PAH: variants seen among roughly 807,000 people sequenced by gnomAD.
PAH encodes phenylalanine-4-hydroxylase.
PAH carries 64 observed loss-of-function variants against 62.0 expected under a neutral mutation model. The observed-to-expected ratio is 1.03, with a 90% confidence interval of 0.84 to 1.27. The LOEUF (loss-of-function observed/expected upper bound fraction) is 1.27, where lower values mean the gene tolerates loss of function less well. Ranked by LOEUF, PAH falls within the 50% of genes most tolerant of loss-of-function variation. The probability of loss-of-function intolerance (pLI) is 0.00; values close to 1 mark genes in which losing one functional copy is unlikely to be tolerated. For missense variants in PAH, 579 were observed against 542.8 expected (o/e 1.07, Z -0.66); for synonymous variants, 195 against 196.2 (o/e 0.99, Z 0.05).
At chr12:102,925,378 A>G (rs1173830281) in intron 1 of PAH, among the ~76,000 whole-genome samples, 4 of 152,166 alleles carry the variant, frequency 2.6e-5, no homozygotes, top group Non-Finnish European at 5.9e-5. Context: ...GGTTATTGAT[A>G]TCATAAAGCA....
chr12:102,958,204 C>A, exon 1 of PAH: 2 of 1,422,300 alleles, frequency 1.4e-6, no homozygotes, highest in South Asian at 2.9e-5. Flanking sequence ...CCTCGCGTCC[C>A]GGATCGCTCT....
chr12:102,921,711 G>C (rs1400013673), upstream of PAH, among the ~76,000 whole-genome samples: 1 of 152,066 alleles, frequency 6.6e-6, no homozygotes, highest in Non-Finnish European at 1.5e-5. Context: ...GGATTTCTTA[G>C]AGGCTTTTCA....
intron 3 of PAH, among the ~76,000 whole-genome samples, chr12:102,888,245 G>T (rs755003921): frequency 2.0e-5 from 3 of 152,066 alleles, no homozygotes; most frequent in Non-Finnish European, 4.4e-5. Flanking sequence ...GAAAATTGAG[G>T]CCTAAAGAGG....
chr12:102,929,356 A>G (rs1459149402), intron 1 of PAH, among the ~76,000 whole-genome samples: 1 of 152,158 alleles, frequency 6.6e-6, no homozygotes, highest in Admixed American at 6.5e-5. Flanking sequence ...AGTTTTTGCA[A>G]TCTCAGAGAG....
At chr12:102,922,493 T>C (rs1878580039) in intron 1 of PAH, among the ~76,000 whole-genome samples, 1 of 152,160 alleles carries the variant, frequency 6.6e-6, no homozygotes, top group Non-Finnish European at 1.5e-5. Flanking sequence ...CGCCCGGCCC[T>C]AAACCTTGCC....
At chr12:102,847,625 T>C (rs952037791) in intron 8 of PAH, among the ~76,000 whole-genome samples, 5 of 152,268 alleles carry the variant, frequency 3.3e-5, no homozygotes, top group African/African-American at 1.2e-4. Flanking sequence ...AGACAATAAA[T>C]AATGAACATA....
intron 1 of PAH, among the ~76,000 whole-genome samples, chr12:102,915,663 G>T (rs1878354227): frequency 6.6e-6 from 1 of 152,084 alleles, no homozygotes; most frequent in African/African-American, 2.4e-5. Flanking sequence ...CTTGGATCTT[G>T]ACTCCAAAAT....
intron 8 of PAH, among the ~76,000 whole-genome samples, chr12:102,849,467 G>A (rs543415112): frequency 3.3e-5 from 5 of 152,274 alleles, no homozygotes; most frequent in African/African-American, 1.2e-4. Flanking sequence ...AGTAGAGATG[G>A]TATTTAAAGC....
At chr12:102,951,827 TC>T (rs1237221186), upstream of PAH, among the ~76,000 whole-genome samples, 1 of 151,668 alleles carries the variant, frequency 6.6e-6, no homozygotes, top group African/African-American at 2.4e-5. Flanking sequence ...TGTTTTATGT[TC>T]CCCTGCGTTG....
At chr12:102,848,292 A>G (rs112099301) in intron 8 of PAH, among the ~76,000 whole-genome samples, 59 of 118,926 alleles carry the variant, frequency 5.0e-4, no homozygotes, top group African/African-American at 1.9e-3. Flanking sequence ...TGGAGAGGTT[A>G]AGTGTAGACA....
chr12:102,842,444 A>C lies in PAH; in HGVS notation c.1199+1202T>G, dbSNP rs376184281. Among the ~76,000 whole-genome samples the C allele has an allele frequency of 9.7e-4, 148 of 152,284 alleles. 1 individual carries two copies. The highest frequency in any genetic ancestry group is 3.4e-3 in the African/African-American group (142 of 41,530). On this transcript the variant is annotated intron_variant, in intron 11 of 12. Coordinates refer to ENST00000553106, the MANE Select transcript of PAH (RefSeq NM_000277.3). The stretch of plus-strand genomic sequence containing the variant: ...TAAAGATAGTAGACATAAATTAAGG[A>C]ATATCCATTTTAAAAGAAAGAAAGT...
intron 2 of PAH, among the ~76,000 whole-genome samples, chr12:102,903,874 A>C (rs1246312690): frequency 6.6e-6 from 1 of 152,154 alleles, no homozygotes; most frequent in Non-Finnish European, 1.5e-5. Context: ...TAAGGTGAAC[A>C]GTGTACTTCC....
intron 1 of PAH, chr12:102,958,175 C>A (rs1879985337): frequency 3.2e-6 from 4 of 1,232,544 alleles, no homozygotes; most frequent in South Asian, 1.8e-5. Context: ...CTCTCTGTGT[C>A]CCCCTCGCGG....
At chr12:102,861,725 G>A (rs561979460) in intron 5 of PAH, among the ~76,000 whole-genome samples, 22 of 152,062 alleles carry the variant, frequency 1.4e-4, no homozygotes, top group Admixed American at 5.2e-4. Flanking sequence ...GCAAACTATC[G>A]CAGGGACAGA....
At position 102,877,454 on chromosome 12, in the gene PAH, G is replaced by C. The variant is rs777613969; in HGVS notation, c.441+8C>G. The C allele has an allele frequency of 1.2e-6, 2 of 1,606,368 alleles. No homozygotes were observed. Among genetic ancestry groups the C allele is most frequent in the South Asian group, 2.2e-5 (2 of 90,946 alleles). On this transcript the variant is annotated splice_region_variant and intron_variant, in intron 4 of 12. Coordinates refer to ENST00000553106, the MANE Select transcript of PAH (RefSeq NM_000277.3). Reference sequence around the variant, plus strand: ...GAAAAAATCTCATCCTACGGGCCATGGACTCACAGGGTGGTCAGCATCCAG... The same window carrying C: ...GAAAAAATCTCATCCTACGGGCCATCGACTCACAGGGTGGTCAGCATCCAG...
intron 3 of PAH, among the ~76,000 whole-genome samples, chr12:102,880,986 A>G (rs1671779462): frequency 6.7e-6 from 1 of 149,994 alleles, no homozygotes; most frequent in Non-Finnish European, 1.5e-5. Flanking sequence ...TTATATTTGT[A>G]TATATTGCAT....
At chr12:102,844,639 A>G (rs557536005) in intron 9 of PAH, among the ~76,000 whole-genome samples, 4 of 152,288 alleles carry the variant, frequency 2.6e-5, no homozygotes, top group African/African-American at 4.8e-5. Context: ...GAACCACCCA[A>G]TGGGCTGGAA....
chr12:102,948,779 A>T (rs1045263337), intron 1 of PAH, among the ~76,000 whole-genome samples: 1 of 152,234 alleles, frequency 6.6e-6, no homozygotes, highest in Non-Finnish European at 1.5e-5. Context: ...ACTTCCAGGT[A>T]GCTTGCTAAA....
chr12:102,941,730 A>G (rs1418573720), intron 1 of PAH, among the ~76,000 whole-genome samples: 1 of 152,066 alleles, frequency 6.6e-6, no homozygotes, highest in African/African-American at 2.4e-5. Context: ...GCAAATCCAC[A>G]GTGATCAAGT....
Sources: gnomAD v4.1 joint callset for allele counts (sites outside exome capture counted in the v4.1 genomes callset) on GRCh38, gnomAD v4.1.1 for gene constraint, MANE v1.5 for transcripts, NCBI Gene and HGNC (gene_info 2026-07-23, HGNC 2026-07-21) for gene names.